UNC45B: variants seen among roughly 807,000 people sequenced by gnomAD.
The protein encoded by UNC45B is unc-45 myosin chaperone B, also known as protein unc-45 homolog B.
In UNC45B, 78 loss-of-function variants were observed where a neutral mutation model predicts 98.7. The ratio of observed to expected loss-of-function variants is 0.79; its 90% CI spans 0.66 to 0.95. The LOEUF is 0.95. Among genes scored for constraint, UNC45B ranks in the 40% least tolerant of loss-of-function variants. The probability of loss-of-function intolerance (pLI) is 0.00; values close to 1 mark genes in which losing one functional copy is unlikely to be tolerated. For missense variants in UNC45B, 1,225 were observed against 1,184.9 expected, an observed-to-expected ratio of 1.03 and a Z score of -0.50; for synonymous variants, 462 against 480.4, an observed-to-expected ratio of 0.96 and a Z score of 0.50.
chr17:35,164,965 C>T (rs2092128247), intron 9 of UNC45B, among the ~76,000 whole-genome samples: 1 of 151,954 alleles, frequency 6.6e-6, no homozygotes, highest in Non-Finnish European at 1.5e-5. Flanking sequence ...GCCTGCTGGG[C>T]TCAAGCGATC....
intron 13 of UNC45B, 112 bp from the exon 14 acceptor site, chr17:35,174,130 A>C: frequency 8.5e-6 from 12 of 1,417,502 alleles, no homozygotes; most frequent in Non-Finnish European, 1.2e-5. Context: ...ACATCTTTGG[A>C]GGCCATTATT....
rs2092315290 is a variant in UNC45B at position 35,188,294 on chromosome 17, C to A, written c.*1735C>A. Reference sequence around the variant, plus strand: ...GGCATGATTTGACCTCTGTCAAATTCTTCTTTCCTGCTTTCCTCATATGTG... The same window carrying A: ...GGCATGATTTGACCTCTGTCAAATTATTCTTTCCTGCTTTCCTCATATGTG... On this transcript the variant is annotated 3_prime_UTR_variant, in exon 20 of 20. Coordinates refer to ENST00000394570, the MANE Select transcript of UNC45B (RefSeq NM_001267052.2). The A allele has an allele frequency of 6.6e-6, 1 of 152,138 alleles. No homozygotes were observed. Among genetic ancestry groups the A allele is most frequent in the East Asian group, 1.9e-4 (1 of 5,196 alleles). The allele number at this position is 152,138 out of a possible 1,614,324, so 9.4% of individuals were successfully genotyped here.
At chr17:35,158,932 G>A (rs1393180436) in intron 7 of UNC45B, among the ~76,000 whole-genome samples, 3 of 152,208 alleles carry the variant, frequency 2.0e-5, no homozygotes, top group South Asian at 2.1e-4. Flanking sequence ...GGAAGTCCCG[G>A]CGTCACAGGC....
intron 13 of UNC45B, among the ~76,000 whole-genome samples, chr17:35,171,938 G>A (rs2142572399): frequency 6.6e-6 from 1 of 152,264 alleles, no homozygotes; most frequent in East Asian, 1.9e-4. Flanking sequence ...TGATTTGTGT[G>A]TGATTTGTTT....
At chr17:35,156,028 G>T (rs532704049) in intron 7 of UNC45B, among the ~76,000 whole-genome samples, 9 of 152,278 alleles carry the variant, frequency 5.9e-5, no homozygotes, top group African/African-American at 2.2e-4. Flanking sequence ...TGAAAAGAAA[G>T]GAAAATTTGA....
At chr17:35,148,503 C>A in intron 2 of UNC45B, 72 bp downstream of exon 2, 2 of 1,518,892 alleles carry the variant, frequency 1.3e-6, no homozygotes, top group Admixed American at 2.1e-5. Context: ...AGCCCCTTCA[C>A]CCTGATAGAA....
intron 9 of UNC45B, 87 bp from the exon 10 acceptor site, chr17:35,167,974 C>A: frequency 1.5e-6 from 2 of 1,306,658 alleles, no homozygotes; most frequent in Middle Eastern, 2.5e-4. Flanking sequence ...AGCCAGGATG[C>A]AAATCCAAAT....
rs886984842 is a variant in UNC45B at position 35,187,047 on chromosome 17, C to A, written c.*488C>A. On this transcript the variant is annotated 3_prime_UTR_variant, in exon 20 of 20. Coordinates refer to ENST00000394570, the MANE Select transcript of UNC45B (RefSeq NM_001267052.2). ...TGTTCAGAACTGTGTGTTTCACCTG[C>A]AGTGCTCTGTCCCAGTCCCATGCCC... The A allele has an allele frequency of 2.3e-4, 37 of 161,288 alleles. No homozygotes were observed. The highest frequency in any genetic ancestry group is 1.4e-5 in the Non-Finnish European group (1 of 72,492). The allele number at this position is 161,288 out of a possible 1,614,324, so 10.0% of individuals were successfully genotyped here. A position where few individuals can be genotyped will look rare whatever the true frequency, so the allele number is the denominator to read the frequency against.
intron 5 of UNC45B, 52 bp downstream of exon 5, chr17:35,153,034 C>A: frequency 6.8e-7 from 1 of 1,471,906 alleles, no homozygotes; most frequent in South Asian, 1.2e-5. Flanking sequence ...CCAGTCTGGA[C>A]AGTGACATCA....
Position 35,177,019 on chromosome 17 carries a change from C to T in UNC45B, c.2028C>T (p.Ala676=). The T allele has an allele frequency of 1.9e-6, 3 of 1,613,702 alleles. No homozygotes were observed. Among genetic ancestry groups the T allele is most frequent in the Non-Finnish European group, 2.5e-6 (3 of 1,179,698 alleles). Residue 676 remains alanine (A), a splice_region_variant and synonymous_variant, in exon 16 of 20, where the codon GCC becomes GCT. Transcript: ENST00000394570. ...GTIVAQGGGK[A]LIPLALEGTD... ...AGTGACCTTGCCCTTTCTTGCAGGCCCTGATTCCCCTGGCTTTGGAGGGCA... is the reference window on the plus strand; with the variant it reads ...AGTGACCTTGCCCTTTCTTGCAGGCTCTGATTCCCCTGGCTTTGGAGGGCA...
At chr17:35,169,731 G>T in intron 10 of UNC45B, 106 bp from the exon 11 acceptor site, 1 of 934,328 alleles carries the variant, frequency 1.1e-6, no homozygotes, top group Non-Finnish European at 1.7e-6. Context: ...AGCAAAGAAA[G>T]AGGGGCGAAG....
At chr17:35,172,890 G>A (rs1411838186) in intron 13 of UNC45B, among the ~76,000 whole-genome samples, 1 of 152,100 alleles carries the variant, frequency 6.6e-6, no homozygotes, top group Non-Finnish European at 1.5e-5. Context: ...TCATTCCTCT[G>A]TGAATGAGAG....
intron 14 of UNC45B, among the ~76,000 whole-genome samples, chr17:35,175,510 G>A (rs949107302): frequency 6.6e-6 from 1 of 152,152 alleles, no homozygotes; most frequent in Non-Finnish European, 1.5e-5. Context: ...GAGAGGGAAG[G>A]TTCCAGGCAG....
At chr17:35,178,615 T>A (rs1349591493) in intron 17 of UNC45B, among the ~76,000 whole-genome samples, 1 of 152,358 alleles carries the variant, frequency 6.6e-6, no homozygotes, top group South Asian at 2.1e-4. Context: ...TCTTTGCCCA[T>A]GCCTATGTCC....
At chr17:35,178,194 C>T (rs2092249562) in intron 17 of UNC45B, among the ~76,000 whole-genome samples, 1 of 152,158 alleles carries the variant, frequency 6.6e-6, no homozygotes, top group Non-Finnish European at 1.5e-5. Context: ...GCCACCGCAC[C>T]CAGCCAGCAC....
At chr17:35,149,953 C>T (rs1407366893) in intron 3 of UNC45B, 95 bp from the exon 4 acceptor site, 7 of 1,311,016 alleles carry the variant, frequency 5.3e-6, no homozygotes, top group South Asian at 1.6e-5. Context: ...GACACAGAAA[C>T]GAAGCAAGAG....
intron 7 of UNC45B, among the ~76,000 whole-genome samples, chr17:35,157,082 C>T (rs2092068318): frequency 6.6e-6 from 1 of 152,068 alleles, no homozygotes; most frequent in Non-Finnish European, 1.5e-5. Flanking sequence ...ACTTTATTTT[C>T]AAGAATATCA....
intron 17 of UNC45B, 48 bp downstream of exon 17, chr17:35,177,658 T>G (rs746780226): frequency 7.2e-7 from 1 of 1,392,990 alleles, no homozygotes; most frequent in Non-Finnish European, 9.9e-7. Flanking sequence ...GCTCAAAAAG[T>G]GTTTGTTTGA....
Position 35,174,347 on chromosome 17 carries a change from C to A in UNC45B, c.1936C>A (p.Gln646Lys), listed in dbSNP as rs1331300191. 2 of 1,614,174 alleles carry A rather than the reference C, an allele frequency of 1.2e-6. No individual in the cohort carries two copies. Among genetic ancestry groups the A allele is most frequent in the East Asian group, 4.5e-5 (2 of 44,886 alleles). Residue 646 changes from glutamine to lysine, a missense_variant, in exon 14 of 20, where the codon CAG (glutamine) becomes AAG (lysine). Coordinates refer to ENST00000394570, the MANE Select transcript of UNC45B (RefSeq NM_001267052.2). ...VKADSAILTD[Q>K]TKELLARVFL... ...AGCAGATAGTGCCATCCTCACTGAC[C>A]AGACCAAGGAGCTGCTGGCCAGGTG...
Sources: gnomAD v4.1 joint callset for allele counts (sites outside exome capture counted in the v4.1 genomes callset) on GRCh38, gnomAD v4.1.1 for gene constraint, MANE v1.5 for transcripts, NCBI Gene and HGNC (gene_info 2026-07-23, HGNC 2026-07-21) for gene names.